PPME1: variants seen among roughly 807,000 people sequenced by gnomAD.
PPME1 encodes the protein testicular secretory protein Li 39.
PPME1 carries 17 observed loss-of-function variants against 56.9 expected under a neutral mutation model. That is an observed-to-expected ratio of 0.30 (90% CI 0.20 to 0.45). The LOEUF is 0.45. Ranked by LOEUF, PPME1 falls within the 20% of genes least tolerant of loss-of-function variation. PPME1 has a pLI of 1.00. For synonymous variants in PPME1, 122 were observed against 156.2 expected (o/e 0.78, Z 1.63); for missense variants, 357 against 483.2 (o/e 0.74, Z 2.45).
At chr11:74,193,428 C>T (rs543201175) in intron 1 of PPME1, among the ~76,000 whole-genome samples, 1 of 152,286 alleles carries the variant, frequency 6.6e-6, no homozygotes, top group Admixed American at 6.5e-5. Flanking sequence ...AGACTTAGGT[C>T]CCATCTCCAG....
chr11:74,245,766 A>G (rs1859487488), intron 9 of PPME1, among the ~76,000 whole-genome samples: 1 of 152,176 alleles, frequency 6.6e-6, no homozygotes, highest in Non-Finnish European at 1.5e-5. Flanking sequence ...CCTTTTGCCA[A>G]CCAAGTATAA....
Position 74,230,421 on chromosome 11 carries a change from C to A in PPME1, c.553+22C>A, listed in dbSNP as rs918013724. On this transcript the variant is annotated intron_variant, in intron 6 of 13. Coordinates refer to ENST00000328257, the MANE Select transcript of PPME1 (RefSeq NM_016147.3). This position sits in a 1 kb window ranked among gnomAD's most constrained non-coding sequence, Gnocchi z 4.9. ...GAAGGTGAGTTTTCTTAGCACTGAC[C>A]AAATCAGGATTTCACTTATAAGAGA... The A allele has an allele frequency of 6.2e-7, 1 of 1,611,112 alleles. No individual in the cohort carries two copies. Among genetic ancestry groups the A allele is most frequent in the South Asian group, 1.1e-5 (1 of 90,576 alleles).
At chr11:74,212,415 AG>A (rs1858503366) in intron 3 of PPME1, among the ~76,000 whole-genome samples, 1 of 152,176 alleles carries the variant, frequency 6.6e-6, no homozygotes, top group African/African-American at 2.4e-5. Context: ...AAACTTGAAA[AG>A]CAGACTAGGC....
intron 2 of PPME1, among the ~76,000 whole-genome samples, 180 bp from the exon 3 acceptor site, chr11:74,204,173 A>G (rs568237241): frequency 6.6e-6 from 1 of 151,928 alleles, no homozygotes; most frequent in East Asian, 1.9e-4. Context: ...ATTGAACAAA[A>G]TGGTCACACA....
chr11:74,245,768 C>CAAGT, intron 9 of PPME1, among the ~76,000 whole-genome samples: 1 of 152,260 alleles, frequency 6.6e-6, no homozygotes, highest in African/African-American at 2.4e-5. Flanking sequence ...TTTTGCCAAC[C>CAAGT]AAGTATAAGA....
At chr11:74,221,846 A>G (rs2135648205) in intron 3 of PPME1, among the ~76,000 whole-genome samples, 1 of 152,250 alleles carries the variant, frequency 6.6e-6, no homozygotes, top group African/African-American at 2.4e-5. Context: ...GTGAATCTTT[A>G]GTAGATTCCA....
chr11:74,200,307 C>G (rs1338929854), intron 1 of PPME1, among the ~76,000 whole-genome samples: 4 of 151,310 alleles, frequency 2.6e-5, no homozygotes, highest in Non-Finnish European at 5.9e-5. Context: ...TCTAATAATA[C>G]TAGTTACAAA....
intron 13 of PPME1, among the ~76,000 whole-genome samples, chr11:74,252,235 TTTTG>T (rs1259947320): frequency 7.0e-6 from 1 of 143,146 alleles, no homozygotes; most frequent in Non-Finnish European, 1.5e-5. Flanking sequence ...ACCCGGCTAA[TTTTG>T]TTTTTTTTTT....
At chr11:74,183,697 T>TGTACATACTGTA (rs1857598687) in intron 1 of PPME1, among the ~76,000 whole-genome samples, 3 of 152,182 alleles carry the variant, frequency 2.0e-5, no homozygotes, top group African/African-American at 7.2e-5. Context: ...TACAAATTCT[T>TGTACATACTGTA]TTTCTTAGCT....
chr11:74,235,665 G>A (rs1173096563), intron 7 of PPME1: 6 of 522,692 alleles, frequency 1.1e-5, no homozygotes, highest in African/African-American at 3.9e-5. Flanking sequence ...CTGGCACCTA[G>A]TATCCTCTTG....
chr11:74,216,795 C>T (rs112391067), intron 3 of PPME1, among the ~76,000 whole-genome samples: 2,523 of 152,126 alleles, frequency 0.017, 66 homozygotes, highest in African/African-American at 0.058. Context: ...AGACATTGCA[C>T]CTGATACTGC....
intron 3 of PPME1, chr11:74,206,051 A>G (rs998503721): frequency 6.6e-6 from 1 of 152,208 alleles, no homozygotes; most frequent in Non-Finnish European, 1.5e-5. Flanking sequence ...TATACTGTAA[A>G]TTTAAAAATT....
At chr11:74,177,610 G>A (rs1049822353) in intron 1 of PPME1, among the ~76,000 whole-genome samples, 1 of 152,050 alleles carries the variant, frequency 6.6e-6, no homozygotes, top group African/African-American at 2.4e-5. Context: ...GGTAGAGGTT[G>A]TTTACCCCTC....
chr11:74,184,069 A>ATATT (rs1321658487), intron 1 of PPME1, among the ~76,000 whole-genome samples: 1 of 152,170 alleles, frequency 6.6e-6, no homozygotes, highest in South Asian at 2.1e-4. Context: ...TTGTGATTCC[A>ATATT]TATTTATATC....
chr11:74,232,673 A>T (rs1360777561), intron 7 of PPME1, among the ~76,000 whole-genome samples: 2 of 143,782 alleles, frequency 1.4e-5, no homozygotes, highest in Admixed American at 6.9e-5. Context: ...TTTTATCCAA[A>T]CTTTTTTTTT....
chr11:74,172,743 G>A (rs951816138), intron 1 of PPME1, among the ~76,000 whole-genome samples: 46 of 152,178 alleles, frequency 3.0e-4, no homozygotes, highest in African/African-American at 7.7e-4. Context: ...ATTAGTGACT[G>A]TAAAGAGAAA....
intron 10 of PPME1, 105 bp downstream of exon 10, chr11:74,246,310 G>C: frequency 8.1e-7 from 1 of 1,230,404 alleles, no homozygotes; most frequent in Non-Finnish European, 1.1e-6. Flanking sequence ...AGTTCTGGAG[G>C]CTGGAAGTCT....
chr11:74,238,956 T>A (rs1343351661), intron 8 of PPME1, 177 bp from the exon 9 acceptor site: 3 of 613,902 alleles, frequency 4.9e-6, no homozygotes, highest in Non-Finnish European at 8.2e-6. Flanking sequence ...TGGAGAATAG[T>A]TATACATTGG....
At chr11:74,244,361 G>T (rs1270928433) in intron 9 of PPME1, among the ~76,000 whole-genome samples, 1 of 152,072 alleles carries the variant, frequency 6.6e-6, no homozygotes, top group Non-Finnish European at 1.5e-5. Context: ...TTTTCTTATT[G>T]GTTGAACTAT....
Sources: allele counts gnomAD v4.1 joint callset (sites outside exome capture counted in the v4.1 genomes callset), GRCh38; gene constraint gnomAD v4.1.1; non-coding constraint Gnocchi (gnomAD v3.1); transcripts MANE v1.5; gene names NCBI Gene and HGNC (gene_info 2026-07-23, HGNC 2026-07-21).